Variants in MCF2L observed in about 807,000 individuals in gnomAD.
The protein encoded by MCF2L is MCF.2 cell line derived transforming sequence like, also known as guanine nucleotide exchange factor DBS.
Under a neutral mutation model 153.4 loss-of-function variants are expected in MCF2L, and 97 were observed. The observed-to-expected ratio is 0.63, with a 90% CI of 0.54 to 0.75. The LOEUF (loss-of-function observed/expected upper bound fraction) is 0.75, where lower values mean the gene tolerates loss of function less well. MCF2L is among the 30% of genes least tolerant of loss of function. MCF2L has a pLI of 0.00. For synonymous variants in MCF2L, 659 were observed against 632.2 expected (o/e 1.04, Z -0.64); for missense variants, 1,347 against 1,495.2 (o/e 0.90, Z 1.64).
At chr13:113,009,884 G>GGACAA (rs1383322671) in intron 1 of MCF2L, 1 of 152,282 alleles carries the variant, frequency 6.6e-6, no homozygotes, top group African/African-American at 2.4e-5. Context: ...CTGATGGACA[G>GGACAA]GATGCAGAAG....
rs1214480449 is a variant in MCF2L at position 113,094,848 on chromosome 13, G to A, written c.3075+213G>A. Reference sequence around the variant, plus strand: ...ACCCAGACCTGGGTCTTGGGGCACAGCCCCAGCTCCTCCTAACTCTCTCTG... The same window carrying A: ...ACCCAGACCTGGGTCTTGGGGCACAACCCCAGCTCCTCCTAACTCTCTCTG... On this transcript the variant is annotated intron_variant, in intron 27 of 29. Coordinates refer to ENST00000535094, the MANE Select transcript of MCF2L (RefSeq NM_001112732.3). 8.4e-5 allele frequency: 92 copies of A among 1,093,888 alleles called. No individual in the cohort carries two copies. In the East Asian group the frequency reaches 2.7e-3, roughly 32 times the overall value. The allele number at this position is 1,093,888 out of a possible 1,614,324, so 67.8% of individuals were successfully genotyped here. A position where few individuals can be genotyped will look rare whatever the true frequency, so the allele number is the denominator to read the frequency against.
At chr13:113,090,208 G>C (rs745606889) in intron 26 of MCF2L, 2 of 1,479,240 alleles carry the variant, frequency 1.4e-6, no homozygotes, top group South Asian at 2.4e-5. Flanking sequence ...GGTGGCGTCT[G>C]TCATGCATCG....
intron 2 of MCF2L, among the ~76,000 whole-genome samples, chr13:113,024,169 G>A (rs2085081118): frequency 6.6e-6 from 1 of 152,236 alleles, no homozygotes; most frequent in Admixed American, 6.5e-5. Flanking sequence ...CAATGTCGGA[G>A]AAGCTAGACG....
chr13:113,050,685 CTGGGGGAG>C, intron 4 of MCF2L, among the ~76,000 whole-genome samples: 1 of 60,490 alleles, frequency 1.7e-5, no homozygotes, highest in Admixed American at 1.8e-4. Context: ...GGGGGGGTGG[CTGGGGGAG>C]CGGGGAGGCG....
chr13:113,081,400 C>A, intron 16 of MCF2L, 121 bp downstream of exon 16: 2 of 987,712 alleles, frequency 2.0e-6, no homozygotes, highest in Non-Finnish European at 2.9e-6. Context: ...TGTGAGAGAG[C>A]GCCCACAGCA....
intron 1 of MCF2L, among the ~76,000 whole-genome samples, chr13:113,003,203 G>T (rs1207811092): frequency 6.8e-4 from 103 of 152,214 alleles, no homozygotes; most frequent in Non-Finnish European, 6.2e-4. Flanking sequence ...GGGGTTGGCT[G>T]TGGAGCACTG....
chr13:113,086,539 C>T (rs376960257), intron 21 of MCF2L, among the ~76,000 whole-genome samples: 17 of 152,300 alleles, frequency 1.1e-4, no homozygotes, highest in African/African-American at 3.9e-4. Context: ...GCTCAGACCT[C>T]CTCACTCCTT....
At position 113,074,393 on chromosome 13, in the gene MCF2L, C is replaced by T; in HGVS notation, c.997-51C>T. The stretch of plus-strand genomic sequence containing the variant: ...TCTGGAGCACTGGAGTGGGTTCTCT[C>T]TGTTCAGGTGAGGGAGACACCCCCC... On this transcript the variant is annotated intron_variant, in intron 9 of 29. Coordinates refer to ENST00000535094, the MANE Select transcript of MCF2L (RefSeq NM_001112732.3). The surrounding 1 kb of genome is among the most constrained non-coding windows in gnomAD (Gnocchi z 4.2). The T allele has an allele frequency of 6.3e-7, 1 of 1,591,866 alleles. No homozygotes were observed. The highest frequency in any genetic ancestry group is 1.3e-5 in the African/African-American group (1 of 74,678).
intron 2 of MCF2L, among the ~76,000 whole-genome samples, chr13:113,021,340 G>A (rs142981975): frequency 4.5e-4 from 68 of 152,158 alleles, no homozygotes; most frequent in African/African-American, 1.4e-3. Flanking sequence ...AGCAGATCCC[G>A]TAGGAACCAC....
In MCF2L at chr13:112,969,216, G is replaced by C; in HGVS notation, c.-164G>C. The C allele has an allele frequency of 8.5e-7, 1 of 1,170,576 alleles. No homozygotes were observed. The highest frequency in any genetic ancestry group is 1.1e-6 in the Non-Finnish European group (1 of 943,802). The allele number at this position is 1,170,576 out of a possible 1,614,324, so 72.5% of individuals were successfully genotyped here. ...GCGCGCGCCCCCCTCCCGGTGGCGC[G>C]GAACCAATCCTGGGCAGGGAGGCGG... On this transcript the variant is annotated 5_prime_UTR_variant, in exon 1 of 30. Transcript: ENST00000535094. The surrounding 1 kb of genome is among the most constrained non-coding windows in gnomAD (Gnocchi z 4.8).
At chr13:113,088,071 C>T (rs547756230) in intron 23 of MCF2L, among the ~76,000 whole-genome samples, 2 of 152,324 alleles carry the variant, frequency 1.3e-5, no homozygotes, top group Admixed American at 6.5e-5. Context: ...GCATCTGGCA[C>T]GCAGGGCCGA....
intron 2 of MCF2L, chr13:112,916,965 A>G (rs974368391): frequency 4.6e-6 from 2 of 431,156 alleles, no homozygotes; most frequent in African/African-American, 4.0e-5. Context: ...CGCTCTCCCC[A>G]CACTGGTCTG....
At chr13:112,989,036 A>C in intron 1 of MCF2L, among the ~76,000 whole-genome samples, 1 of 50,006 alleles carries the variant, frequency 2.0e-5, no homozygotes, top group Non-Finnish European at 4.0e-5. Context: ...TACCACGCCC[A>C]AGTCCTCCCT....
At chr13:112,917,312 C>T in intron 2 of MCF2L, 1 of 382,020 alleles carries the variant, frequency 2.6e-6, no homozygotes, top group Admixed American at 3.2e-5. Flanking sequence ...CCTCTCCGTC[C>T]AGTTCCTTTG....
At chr13:113,040,058 A>G (rs889568457) in intron 3 of MCF2L, among the ~76,000 whole-genome samples, 12 of 152,256 alleles carry the variant, frequency 7.9e-5, no homozygotes, top group Non-Finnish European at 1.5e-4. Context: ...CCCAGCAACA[A>G]GAATGAACAG....
chr13:112,950,794 G>A (rs1173012814), intron 2 of MCF2L, among the ~76,000 whole-genome samples: 1 of 152,146 alleles, frequency 6.6e-6, no homozygotes, highest in African/African-American at 2.4e-5. Flanking sequence ...AAAAAATATA[G>A]TAGACAACAC....
rs2081147869 is a variant in MCF2L, at chr13:112,904,148, G to T, written c.169+1777G>T. 6.8e-6 allele frequency among the ~76,000 whole-genome samples: 1 copy of T among 147,504 alleles called. No homozygotes were observed. The highest frequency in any genetic ancestry group is 6.7e-5 in the Admixed American group (1 of 14,844). On this transcript the variant is annotated intron_variant, in intron 2 of 29. Coordinates refer to the MCF2L transcript ENST00000375608. This position sits in a 1 kb window ranked among gnomAD's most constrained non-coding sequence, Gnocchi z 4.2. ...GCCGCGGTTAGGGTTAGGGTTAGAG[G>T]TTAAGGTTAGGGTTAGGGGTTGGGA... is the stretch of plus-strand genomic sequence containing the variant.
chr13:113,015,519 C>T lies in MCF2L; in HGVS notation c.163+673C>T, dbSNP rs554579658. ...GGAGGGTGCCCCGATGCCGAGGACGCGGTGCTCTTGGGAGCTCAGCCTCTG... is the reference window on the plus strand; with the variant it reads ...GGAGGGTGCCCCGATGCCGAGGACGTGGTGCTCTTGGGAGCTCAGCCTCTG... On this transcript the variant is annotated intron_variant, in intron 2 of 29. Transcript: ENST00000535094. 2.4e-4 allele frequency among the ~76,000 whole-genome samples: 37 copies of T among 152,000 alleles called. No homozygotes were observed. The South Asian group carries it at 6.4e-3, about 26-fold the overall frequency.
intron 3 of MCF2L, 28 bp downstream of exon 3, chr13:113,024,786 T>C: frequency 6.4e-7 from 1 of 1,573,552 alleles, no homozygotes; most frequent in Non-Finnish European, 8.7e-7. Flanking sequence ...CCGGCAGACA[T>C]TGTGGTTTGG....
Sources: allele counts gnomAD v4.1 joint callset (sites outside exome capture counted in the v4.1 genomes callset), GRCh38; gene constraint gnomAD v4.1.1; non-coding constraint Gnocchi (gnomAD v3.1); transcripts MANE v1.5; gene names NCBI Gene and HGNC (gene_info 2026-07-23, HGNC 2026-07-21).